ELAVL2: variants seen among roughly 807,000 people sequenced by gnomAD.
ELAVL2 encodes the protein ELAV like RNA binding protein 2.
Under a neutral mutation model 34.6 loss-of-function variants are expected in ELAVL2, and 4 were observed. The ratio of observed to expected loss-of-function variants is 0.12; its 90% confidence interval spans 0.06 to 0.26. The LOEUF (loss-of-function observed/expected upper bound fraction) is 0.26. Among genes scored for constraint, ELAVL2 ranks in the 10% least tolerant of loss-of-function variants. ELAVL2 has a pLI of 1.00. For missense variants in ELAVL2, 432 were observed against 442.8 expected (o/e 0.98, Z 0.22); for synonymous variants, 193 against 154.8 (o/e 1.25, Z -1.83).
chr9:23,739,312 A>C (rs1032655356), intron 2 of ELAVL2, among the ~76,000 whole-genome samples: 1 of 152,116 alleles, frequency 6.6e-6, no homozygotes, highest in Admixed American at 6.6e-5. Flanking sequence ...TAGTTTCTCT[A>C]AAAGATAGGT....
At chr9:23,816,854 T>A (rs1441441581) in intron 1 of ELAVL2, among the ~76,000 whole-genome samples, 1 of 152,198 alleles carries the variant, frequency 6.6e-6, no homozygotes, top group Non-Finnish European at 1.5e-5. Flanking sequence ...TAGGCTAGAC[T>A]AAGCTCTGAT....
At chr9:23,700,996 G>T (rs1032615124) in intron 5 of ELAVL2, among the ~76,000 whole-genome samples, 1 of 152,118 alleles carries the variant, frequency 6.6e-6, no homozygotes, top group African/African-American at 2.4e-5. Flanking sequence ...GTAACTTCTG[G>T]TTGCTGGGGC....
the ELAVL2 span, among the ~76,000 whole-genome samples, chr9:23,843,977 T>A: frequency 1.3e-5 from 2 of 152,046 alleles, no homozygotes; most frequent in Non-Finnish European, 2.9e-5. Flanking sequence ...TTCTCTCTCA[T>A]CATAAGTACA....
intron 1 of ELAVL2, among the ~76,000 whole-genome samples, chr9:23,802,441 T>A (rs528114604): frequency 4.6e-5 from 7 of 152,304 alleles, no homozygotes; most frequent in Admixed American, 4.6e-4. Flanking sequence ...AGTTTTCAAC[T>A]CCTGAAGACA....
chr9:23,694,862 T>C (rs1411975649), intron 5 of ELAVL2, among the ~76,000 whole-genome samples: 1 of 151,792 alleles, frequency 6.6e-6, no homozygotes, highest in African/African-American at 2.4e-5. Context: ...TGTGTCTCTG[T>C]GTGCGTGGTG....
Position 23,733,679 on chromosome 9 carries a change from GA to G in ELAVL2, c.230-2555del, listed in dbSNP as rs199838619. On this transcript the variant is annotated intron_variant, in intron 2 of 6. Transcript: ENST00000397312. The stretch of plus-strand genomic sequence containing the variant: ...CTGAGATTAGATCACTGGGTAAAGT[GA>G]AAAGCCTGTCTTGCTTACTTCCTAC... Among the ~76,000 whole-genome samples the G allele has an allele frequency of 9.1e-4, 139 of 152,310 alleles. No homozygotes were observed. In the East Asian group the frequency reaches 0.025, roughly 27 times the overall value.
At position 23,760,291 on chromosome 9, in the gene ELAVL2, C is replaced by T. The variant is rs142701294; in HGVS notation, c.229+1715G>A. ...TATAAAATGATAAAATGTATCATTT[C>T]GTAACAGTTTCATAACAAAACATGA... On this transcript the variant is annotated intron_variant, in intron 2 of 6. Coordinates refer to ENST00000397312, the MANE Select transcript of ELAVL2 (RefSeq NM_004432.5). 1.2e-4 allele frequency among the ~76,000 whole-genome samples: 18 copies of T among 151,958 alleles called. No individual in the cohort carries two copies. The East Asian group carries it at 3.3e-3, about 28-fold the overall frequency.
At chr9:23,701,268 A>G in intron 5 of ELAVL2, 111 bp downstream of exon 5, 1 of 1,174,138 alleles carries the variant, frequency 8.5e-7, no homozygotes, top group East Asian at 2.3e-5. Context: ...AATAAAACCA[A>G]CAACACTGAC....
At chr9:23,847,360 TC>T in the ELAVL2 span, 6 of 152,186 alleles carry the variant, frequency 3.9e-5, no homozygotes, top group African/African-American at 1.4e-4. Context: ...CACCGCCACT[TC>T]CTACATCTCA....
intron 3 of ELAVL2, among the ~76,000 whole-genome samples, chr9:23,723,438 T>C (rs1268699494): frequency 6.6e-5 from 10 of 151,820 alleles, no homozygotes; most frequent in African/African-American, 1.7e-4. Context: ...GGGGGAGGGA[T>C]AGCATTAGGA....
At chr9:23,738,487 C>G (rs1358743875) in intron 2 of ELAVL2, among the ~76,000 whole-genome samples, 2 of 152,180 alleles carry the variant, frequency 1.3e-5, no homozygotes, top group African/African-American at 2.4e-5. Flanking sequence ...CCAAGCCAGC[C>G]TTCCTGAAAG....
In ELAVL2 at chr9:23,761,098, C is replaced by T. The variant is rs10966072; in HGVS notation, c.229+908G>A. Among the ~76,000 whole-genome samples, 3 of 152,194 alleles carry T rather than the reference C, an allele frequency of 2.0e-5. No individual in the cohort carries two copies. The East Asian group carries it at 5.8e-4, about 29-fold the overall frequency. On this transcript the variant is annotated intron_variant, in intron 2 of 6. Transcript: ENST00000397312. ...CAGACTCCTGGTCTCATTCTTCACA[C>T]TGCCTTTAAGTATCTTTTACTCATT...
intron 1 of ELAVL2, among the ~76,000 whole-genome samples, chr9:23,820,562 T>C (rs925269109): frequency 2.6e-5 from 4 of 152,198 alleles, no homozygotes; most frequent in African/African-American, 7.2e-5. Context: ...TGCATGCTCA[T>C]AGCTCGCATC....
intron 1 of ELAVL2, among the ~76,000 whole-genome samples, chr9:23,781,877 G>C (rs2059115951): frequency 6.6e-6 from 1 of 152,026 alleles, no homozygotes; most frequent in Non-Finnish European, 1.5e-5. Flanking sequence ...GTAGAGACGG[G>C]GTTTCAGCGT....
chr9:23,729,248 G>T (rs1466910087), intron 3 of ELAVL2, among the ~76,000 whole-genome samples: 1 of 152,080 alleles, frequency 6.6e-6, no homozygotes, highest in Non-Finnish European at 1.5e-5. Context: ...ATAGTTCCTG[G>T]GACAAGCCAT....
the ELAVL2 span, among the ~76,000 whole-genome samples, chr9:23,840,473 G>C: frequency 2.0e-5 from 3 of 152,156 alleles, no homozygotes; most frequent in Non-Finnish European, 1.5e-5. Context: ...GTTTTTCAGT[G>C]GTGCAGTTAA....
chr9:23,763,658 A>C (rs1406013914), intron 1 of ELAVL2, among the ~76,000 whole-genome samples: 1 of 152,176 alleles, frequency 6.6e-6, no homozygotes, highest in Non-Finnish European at 1.5e-5. Flanking sequence ...AGGGCACATT[A>C]GCAGATAAAC....
At chr9:23,725,382 T>TAC (rs2044827827) in intron 3 of ELAVL2, among the ~76,000 whole-genome samples, 1 of 152,140 alleles carries the variant, frequency 6.6e-6, no homozygotes, top group Non-Finnish European at 1.5e-5. Context: ...TTCCATGCCC[T>TAC]ACTAAAGTCA....
intron 3 of ELAVL2, among the ~76,000 whole-genome samples, chr9:23,709,897 A>G (rs1245529972): frequency 1.3e-5 from 2 of 152,214 alleles, no homozygotes; most frequent in Admixed American, 1.3e-4. Flanking sequence ...ACTGAACACC[A>G]ATCTACTCCA....
Sources: allele counts gnomAD v4.1 joint callset (sites outside exome capture counted in the v4.1 genomes callset), GRCh38; gene constraint gnomAD v4.1.1; transcripts MANE v1.5; gene names NCBI Gene and HGNC (gene_info 2026-07-23, HGNC 2026-07-21).